Variants in DIS3L2 observed in about 807,000 individuals in gnomAD.
DIS3L2 encodes DIS3-like exonuclease 2.
DIS3L2 carries 34 observed loss-of-function variants against 97.5 expected under a neutral mutation model. That is an observed-to-expected ratio of 0.35 (90% confidence interval 0.27 to 0.46). The LOEUF (loss-of-function observed/expected upper bound fraction) is 0.46. Ranked by LOEUF, DIS3L2 falls within the 20% of genes least tolerant of loss-of-function variation. DIS3L2 has a pLI of 1.00. For synonymous variants in DIS3L2, 435 were observed against 445.2 expected (o/e 0.98, Z 0.29); for missense variants, 1,038 against 1,146.0 (o/e 0.91, Z 1.36).
chr2:232,183,211 A>G (rs1019967200), intron 9 of DIS3L2, among the ~76,000 whole-genome samples: 1 of 152,186 alleles, frequency 6.6e-6, no homozygotes, highest in Non-Finnish European at 1.5e-5. Context: ...CACTCTCCAA[A>G]ACTGTGAGAA....
chr2:232,068,980 C>T (rs1324171456), intron 5 of DIS3L2, among the ~76,000 whole-genome samples: 1 of 152,004 alleles, frequency 6.6e-6, no homozygotes. Flanking sequence ...CCATGCCTGA[C>T]TAATTTTTAT....
At chr2:232,214,592 A>G (rs890509927) in intron 10 of DIS3L2, among the ~76,000 whole-genome samples, 7 of 152,142 alleles carry the variant, frequency 4.6e-5, no homozygotes, top group African/African-American at 1.2e-4. Context: ...CTCCCATGTC[A>G]TGGAGTCACT....
At chr2:232,323,281 C>T (rs1403667306) in intron 14 of DIS3L2, among the ~76,000 whole-genome samples, 2 of 152,202 alleles carry the variant, frequency 1.3e-5, no homozygotes, top group Admixed American at 6.5e-5. Flanking sequence ...ACTTGGGGAG[C>T]GAATGAGGCT....
intron 6 of DIS3L2, among the ~76,000 whole-genome samples, chr2:232,113,460 C>T (rs1289070796): frequency 6.6e-6 from 1 of 152,234 alleles, no homozygotes; most frequent in African/African-American, 2.4e-5. Flanking sequence ...CATGAATATG[C>T]TTAGACAGTT....
intron 3 of DIS3L2, among the ~76,000 whole-genome samples, chr2:232,016,940 C>CCCTCCCTT (rs1694372258): frequency 6.9e-6 from 1 of 144,876 alleles, no homozygotes; most frequent in Non-Finnish European, 1.5e-5. Flanking sequence ...CTCCCTCCCT[C>CCCTCCCTT]CCTTCCTTCC....
chr2:232,160,074 G>T (rs536545176), intron 8 of DIS3L2, among the ~76,000 whole-genome samples: 1 of 152,108 alleles, frequency 6.6e-6, no homozygotes, highest in Non-Finnish European at 1.5e-5. Context: ...TCTATGAGAG[G>T]TATTGATCTC....
chr2:232,014,819 CTCT>C lies in DIS3L2; in HGVS notation c.-93-11_-93-9del. ...GCTTAACCGCTCTCCAATTACCAATCTCTTCTTGGTTTCAGCGAATGACAACAG... is the reference window on the plus strand; with the variant it reads ...GCTTAACCGCTCTCCAATTACCAATCTCTTGGTTTCAGCGAATGACAACAG... On this transcript the variant is annotated splice_polypyrimidine_tract_variant and intron_variant, in intron 1 of 20. Coordinates refer to ENST00000325385, the MANE Select transcript of DIS3L2 (RefSeq NM_152383.5). The C allele has an allele frequency of 1.7e-6, 2 of 1,208,842 alleles. No individual in the cohort carries two copies. The highest frequency in any genetic ancestry group is 4.9e-5 in the East Asian group (2 of 41,216). 74.9% of individuals were successfully genotyped at this position (1,208,842 alleles called of 1,614,324 possible).
At chr2:231,983,719 C>T (rs907429791) in intron 1 of DIS3L2, among the ~76,000 whole-genome samples, 7 of 151,948 alleles carry the variant, frequency 4.6e-5, no homozygotes, top group Admixed American at 3.9e-4. Flanking sequence ...TGAAACACGT[C>T]TCTGCTAAAA....
At chr2:232,169,967 G>A (rs947688343) in intron 9 of DIS3L2, among the ~76,000 whole-genome samples, 5 of 152,170 alleles carry the variant, frequency 3.3e-5, no homozygotes, top group Non-Finnish European at 7.3e-5. Flanking sequence ...AGGCTTGCAT[G>A]AACTCCTAGG....
At chr2:232,165,807 C>T (rs1420793573) in intron 9 of DIS3L2, among the ~76,000 whole-genome samples, 2 of 152,116 alleles carry the variant, frequency 1.3e-5, no homozygotes, top group Non-Finnish European at 1.5e-5. Flanking sequence ...GGATTACAGG[C>T]GTGAGCCACC....
At chr2:231,985,442 A>G (rs946441088) in intron 1 of DIS3L2, among the ~76,000 whole-genome samples, 4 of 152,204 alleles carry the variant, frequency 2.6e-5, no homozygotes, top group Non-Finnish European at 4.4e-5. Flanking sequence ...GTAGTATTCC[A>G]TGGCATGCAT....
intron 4 of DIS3L2, among the ~76,000 whole-genome samples, chr2:232,027,817 A>G (rs1694701780): frequency 6.6e-6 from 1 of 152,220 alleles, no homozygotes; most frequent in Non-Finnish European, 1.5e-5. Context: ...GTTCTCAATA[A>G]AAATGAAATA....
chr2:232,295,245 C>A (rs1392680680), intron 13 of DIS3L2, among the ~76,000 whole-genome samples: 4 of 152,146 alleles, frequency 2.6e-5, no homozygotes, highest in African/African-American at 9.7e-5. Flanking sequence ...TCCAAAGGAG[C>A]AATTTCAAAC....
chr2:232,083,068 A>AC (rs58976527), intron 5 of DIS3L2, among the ~76,000 whole-genome samples: 127,191 of 151,054 alleles, frequency 0.84, 54,104 homozygotes, highest in East Asian at 0.99. Context: ...GGAAAGACCC[A>AC]CCCCCCCATG....
At chr2:232,018,046 G>A (rs1012245884) in intron 3 of DIS3L2, among the ~76,000 whole-genome samples, 1 of 152,148 alleles carries the variant, frequency 6.6e-6, no homozygotes, top group Admixed American at 6.6e-5. Context: ...CTTACTGACT[G>A]AATAAAGGAT....
chr2:232,264,571 C>A (rs1341876265), intron 13 of DIS3L2, among the ~76,000 whole-genome samples: 9 of 152,126 alleles, frequency 5.9e-5, no homozygotes, highest in African/African-American at 1.7e-4. Context: ...AACACTCCTT[C>A]CTTGCTTGTT....
At chr2:232,188,348 A>G (rs972387574) in intron 9 of DIS3L2, among the ~76,000 whole-genome samples, 3 of 152,232 alleles carry the variant, frequency 2.0e-5, no homozygotes, top group African/African-American at 7.2e-5. Context: ...TGTGAATTGT[A>G]TGCTATAAAA....
chr2:232,207,765 A>G (rs1692070684), intron 9 of DIS3L2, among the ~76,000 whole-genome samples: 1 of 152,192 alleles, frequency 6.6e-6, no homozygotes, highest in African/African-American at 2.4e-5. Context: ...TAAAGCCATT[A>G]ACTATATTAA....
rs181147134 is a variant in DIS3L2, at chr2:232,248,236, C to T, written c.1318-1003C>T. ...GTCCCTCAATTACAGCATGGCCACC[C>T]TTTGCCTATCACTTCTCAGTTACCT... On this transcript the variant is annotated intron_variant, in intron 11 of 20. Coordinates refer to ENST00000325385, the MANE Select transcript of DIS3L2 (RefSeq NM_152383.5). 4.6e-5 allele frequency among the ~76,000 whole-genome samples: 7 copies of T among 152,294 alleles called. No individual in the cohort carries two copies. In the East Asian group the frequency reaches 1.3e-3, roughly 29 times the overall value.
Sources: allele counts gnomAD v4.1 joint callset (sites outside exome capture counted in the v4.1 genomes callset), GRCh38; gene constraint gnomAD v4.1.1; transcripts MANE v1.5; gene names NCBI Gene and HGNC (gene_info 2026-07-23, HGNC 2026-07-21).